SLC24A3: variants seen among roughly 807,000 people sequenced by gnomAD.
SLC24A3 encodes sodium/potassium/calcium exchanger 3.
In SLC24A3, 28 loss-of-function variants were observed where a neutral mutation model predicts 75.8. That is an observed-to-expected ratio of 0.37 (90% CI 0.27 to 0.51). The LOEUF (loss-of-function observed/expected upper bound fraction) is 0.51, where lower values mean the gene tolerates loss of function less well. Among genes scored for constraint, SLC24A3 ranks in the 20% least tolerant of loss-of-function variants. SLC24A3 has a pLI of 0.94. For synonymous variants in SLC24A3, 372 were observed against 334.1 expected (o/e 1.11, Z -1.24); for missense variants, 663 against 847.8 (o/e 0.78, Z 2.71).
At chr20:19,545,994 C>T (rs961887410) in intron 3 of SLC24A3, among the ~76,000 whole-genome samples, 1 of 151,302 alleles carries the variant, frequency 6.6e-6, no homozygotes, top group Non-Finnish European at 1.5e-5. Context: ...CCCATTTCTA[C>T]TAAAAATACA....
At chr20:19,615,526 G>A (rs2031725433) in intron 6 of SLC24A3, among the ~76,000 whole-genome samples, 1 of 152,162 alleles carries the variant, frequency 6.6e-6, no homozygotes, top group Non-Finnish European at 1.5e-5. Flanking sequence ...GAGCAAGAGA[G>A]AGCAAGGCAG....
chr20:19,378,299 A>T (rs533760084), intron 2 of SLC24A3, among the ~76,000 whole-genome samples: 1 of 152,164 alleles, frequency 6.6e-6, no homozygotes, highest in Non-Finnish European at 1.5e-5. Flanking sequence ...TAAAAAAAAA[A>T]AATAAAGTTA....
chr20:19,666,525 T>C (rs1289338368), intron 8 of SLC24A3, among the ~76,000 whole-genome samples: 3 of 151,322 alleles, frequency 2.0e-5, no homozygotes, highest in Non-Finnish European at 4.4e-5. Context: ...AAAAAAAAAA[T>C]TGTGTCCAAA....
chr20:19,452,995 A>G (rs908701509), intron 2 of SLC24A3, among the ~76,000 whole-genome samples: 3 of 152,224 alleles, frequency 2.0e-5, no homozygotes, highest in African/African-American at 7.2e-5. Context: ...CAGCGTGGCC[A>G]AGATGGTGAA....
intron 7 of SLC24A3, among the ~76,000 whole-genome samples, chr20:19,662,968 GC>G (rs1361585380): frequency 6.6e-6 from 1 of 152,140 alleles, no homozygotes; most frequent in Non-Finnish European, 1.5e-5. Flanking sequence ...TTCGGAAGAG[GC>G]GATGACCAGC....
intron 2 of SLC24A3, among the ~76,000 whole-genome samples, chr20:19,497,329 C>G (rs1423007218): frequency 6.6e-6 from 1 of 152,120 alleles, no homozygotes; most frequent in Admixed American, 6.5e-5. Flanking sequence ...ATAGGAAGCT[C>G]TAGTTGGAGA....
intron 2 of SLC24A3, among the ~76,000 whole-genome samples, chr20:19,508,198 A>C (rs1399296813): frequency 6.6e-6 from 1 of 152,238 alleles, no homozygotes. Context: ...GACAGATGAA[A>C]GCACGTGAAA....
At chr20:19,660,723 C>A (rs2032317588) in intron 7 of SLC24A3, among the ~76,000 whole-genome samples, 1 of 152,078 alleles carries the variant, frequency 6.6e-6, no homozygotes, top group African/African-American at 2.4e-5. Context: ...TACTGGAAAA[C>A]TTGAGGTCCT....
intron 2 of SLC24A3, among the ~76,000 whole-genome samples, chr20:19,414,396 G>A (rs1026581050): frequency 6.6e-6 from 1 of 152,136 alleles, no homozygotes; most frequent in Non-Finnish European, 1.5e-5. Flanking sequence ...AATTATCAAA[G>A]AGTCAAAGTG....
intron 2 of SLC24A3, among the ~76,000 whole-genome samples, chr20:19,462,443 G>A (rs200769373): frequency 6.9e-6 from 1 of 144,626 alleles, no homozygotes; most frequent in African/African-American, 2.5e-5. Flanking sequence ...CAGGCTCCCA[G>A]GGGCTGCTGT....
At chr20:19,546,275 T>G (rs945632931) in intron 3 of SLC24A3, among the ~76,000 whole-genome samples, 1 of 149,506 alleles carries the variant, frequency 6.7e-6, no homozygotes, top group African/African-American at 2.5e-5. Context: ...CTATAATGAG[T>G]CTTCATCCTC....
In SLC24A3 at chr20:19,658,022, G is replaced by A. The variant is rs766383039; in HGVS notation, c.687+3886G>A. ...ACCACTCTCCCTATTATACAGCAATGAAATGTTCAGAAGGCGTGTAACTGT... is the reference window on the plus strand; with the variant it reads ...ACCACTCTCCCTATTATACAGCAATAAAATGTTCAGAAGGCGTGTAACTGT... On this transcript the variant is annotated intron_variant, in intron 7 of 16. Transcript: ENST00000328041. Among the ~76,000 whole-genome samples the A allele has an allele frequency of 3.9e-5, 6 of 152,238 alleles. No individual in the cohort carries two copies. The East Asian group carries it at 9.6e-4, about 24-fold the overall frequency.
intron 2 of SLC24A3, among the ~76,000 whole-genome samples, chr20:19,510,880 C>A (rs1988524939): frequency 6.6e-6 from 1 of 152,232 alleles, no homozygotes; most frequent in South Asian, 2.1e-4. Flanking sequence ...CATTCCTACA[C>A]CCAGACATGC....
chr20:19,524,566 C>A (rs1219337942), intron 3 of SLC24A3, among the ~76,000 whole-genome samples: 8 of 152,200 alleles, frequency 5.3e-5, no homozygotes, highest in African/African-American at 1.9e-4. Context: ...TGCTTAGATA[C>A]CAAACGTTTA....
At chr20:19,432,953 A>G (rs1231427816) in intron 2 of SLC24A3, among the ~76,000 whole-genome samples, 15 of 152,234 alleles carry the variant, frequency 9.9e-5, no homozygotes, top group Non-Finnish European at 1.5e-5. Context: ...GCTCAAGGTC[A>G]TCGCCAAGGT....
intron 2 of SLC24A3, among the ~76,000 whole-genome samples, chr20:19,444,150 T>TTAC (rs1402084506): frequency 6.6e-6 from 1 of 152,246 alleles, no homozygotes; most frequent in African/African-American, 2.4e-5. Flanking sequence ...TGATTTCAAA[T>TTAC]ATCAATCCCA....
chr20:19,492,372 G>A (rs965518114), intron 2 of SLC24A3, among the ~76,000 whole-genome samples: 1 of 152,214 alleles, frequency 6.6e-6, no homozygotes, highest in African/African-American at 2.4e-5. Flanking sequence ...CTCCACATCT[G>A]TGCAATGGTG....
chr20:19,557,884 G>C (rs910931771), intron 3 of SLC24A3, among the ~76,000 whole-genome samples: 1 of 152,092 alleles, frequency 6.6e-6, no homozygotes, highest in Non-Finnish European at 1.5e-5. Context: ...AAATATAAAG[G>C]TATTGAAATT....
chr20:19,672,143 G>A (rs1026532376), intron 8 of SLC24A3, among the ~76,000 whole-genome samples: 1 of 152,146 alleles, frequency 6.6e-6, no homozygotes. Flanking sequence ...GGGTGTGGAA[G>A]TTAGGCTAGA....
Sources: gnomAD v4.1 joint callset for allele counts (sites outside exome capture counted in the v4.1 genomes callset) on GRCh38, gnomAD v4.1.1 for gene constraint, MANE v1.5 for transcripts, NCBI Gene and HGNC (gene_info 2026-07-23, HGNC 2026-07-21) for gene names.